The following GNG4 variants were observed in gnomAD, a reference collection of about 807,000 sequenced individuals.
The protein encoded by GNG4 is G protein subunit gamma 4.
A neutral mutation model predicts 5.8 loss-of-function variants in GNG4; 4 were observed. The ratio of observed to expected loss-of-function variants is 0.69; its 90% CI spans 0.34 to 1.57. The LOEUF (loss-of-function observed/expected upper bound fraction) is 1.57. Ranked by LOEUF, GNG4 falls within the 40% of genes most tolerant of loss-of-function variation. The probability of loss-of-function intolerance (pLI) is 0.06; values close to 1 mark genes in which losing one functional copy is unlikely to be tolerated. For missense variants in GNG4, 96 were observed against 95.1 expected, an observed-to-expected ratio of 1.01 and a Z score of -0.04; for synonymous variants, 29 against 32.9, an observed-to-expected ratio of 0.88 and a Z score of 0.41.
intron 3 of GNG4, 34 bp from the exon 4 acceptor site, chr1:235,552,271 AG>A (rs765375421): frequency 5.6e-6 from 9 of 1,608,700 alleles, no homozygotes; most frequent in South Asian, 1.1e-5. Flanking sequence ...GCTCAGTTAA[AG>A]GCCCCTTTGC....
chr1:235,592,465 C>T (rs549419587), intron 2 of GNG4, among the ~76,000 whole-genome samples: 2 of 152,272 alleles, frequency 1.3e-5, no homozygotes, highest in African/African-American at 4.8e-5. Flanking sequence ...GCCAAGATCA[C>T]ACCACTGCAC....
At chr1:235,588,012 G>T (rs1247091214) in intron 2 of GNG4, among the ~76,000 whole-genome samples, 1 of 151,768 alleles carries the variant, frequency 6.6e-6, no homozygotes, top group Admixed American at 6.6e-5. Flanking sequence ...CAGCAGAGCC[G>T]ACTCTCAGTC....
At chr1:235,620,567 G>A (rs913224019) in intron 1 of GNG4, among the ~76,000 whole-genome samples, 1 of 151,990 alleles carries the variant, frequency 6.6e-6, no homozygotes, top group African/African-American at 2.4e-5. Flanking sequence ...ACGGAGTCTC[G>A]CTCTATTGCC....
intron 1 of GNG4, among the ~76,000 whole-genome samples, chr1:235,612,753 G>A (rs1328880049): frequency 6.6e-6 from 1 of 152,104 alleles, no homozygotes; most frequent in Non-Finnish European, 1.5e-5. Context: ...GAACACCTGG[G>A]CTCAAGTGAT....
At chr1:235,608,786 T>C (rs1571911311) in intron 1 of GNG4, among the ~76,000 whole-genome samples, 1 of 151,904 alleles carries the variant, frequency 6.6e-6, no homozygotes, top group East Asian at 1.9e-4. Flanking sequence ...CGAGTTGAAG[T>C]AATCCTCCTG....
chr1:235,593,947 G>A (rs568364022), intron 2 of GNG4, among the ~76,000 whole-genome samples: 5 of 152,240 alleles, frequency 3.3e-5, no homozygotes, highest in African/African-American at 4.8e-5. Flanking sequence ...TACCCCAGCT[G>A]GCGCGGGCAG....
At chr1:235,631,571 CTTTCTT>C (rs1442311486) in intron 1 of GNG4, among the ~76,000 whole-genome samples, 1 of 115,838 alleles carries the variant, frequency 8.6e-6, no homozygotes, top group African/African-American at 4.5e-5. Flanking sequence ...TCTTTTCTTT[CTTTCTT>C]TTTTTTTTTT....
chr1:235,630,366 T>C (rs1688907221), intron 1 of GNG4, among the ~76,000 whole-genome samples: 1 of 152,220 alleles, frequency 6.6e-6, no homozygotes, highest in Non-Finnish European at 1.5e-5. Flanking sequence ...TACTTGAATG[T>C]TTGCTGCTGA....
intron 1 of GNG4, chr1:235,614,975 CA>C (rs1030042361): frequency 6.5e-6 from 1 of 152,800 alleles, no homozygotes; most frequent in African/African-American, 2.4e-5. Flanking sequence ...TTGCTGCCCA[CA>C]ATTTCAGTGG....
intron 3 of GNG4, among the ~76,000 whole-genome samples, chr1:235,572,563 A>G (rs1363422913): frequency 7.0e-6 from 1 of 142,964 alleles, no homozygotes; most frequent in African/African-American, 2.7e-5. Context: ...GTGAGGTGGT[A>G]TGTTCTCAGC....
At chr1:235,582,309 A>G (rs1455595879) in intron 3 of GNG4, among the ~76,000 whole-genome samples, 1 of 152,086 alleles carries the variant, frequency 6.6e-6, no homozygotes, top group Middle Eastern at 3.2e-3. Flanking sequence ...CTCCTCCCAT[A>G]GCTCTCTTCC....
chr1:235,551,249 A>G lies in GNG4; in HGVS notation c.*860T>C, dbSNP rs1686737239. ...CACGGCCCCAGGAGGATATGCTAAG[A>G]AAACCATTCCACGGCCGGGTGTGGT... On this transcript the variant is annotated 3_prime_UTR_variant, in exon 4 of 4. Coordinates refer to ENST00000391854, the MANE Select transcript of GNG4 (RefSeq NM_001098722.2). The G allele has an allele frequency of 6.6e-6, 1 of 152,440 alleles. No homozygotes were observed. The highest frequency in any genetic ancestry group is 6.5e-5 in the Admixed American group (1 of 15,284). 9.4% of individuals were successfully genotyped at this position (152,440 alleles called of 1,614,324 possible).
At chr1:235,564,778 C>T (rs927363665) in intron 3 of GNG4, among the ~76,000 whole-genome samples, 4 of 152,124 alleles carry the variant, frequency 2.6e-5, no homozygotes, top group East Asian at 1.9e-4. Context: ...CTCTGCCTCC[C>T]GGGTTCAAGC....
rs566245320 is a variant in GNG4, at chr1:235,562,227, C to T, written c.100-9990G>A. 2.4e-4 allele frequency among the ~76,000 whole-genome samples: 36 copies of T among 152,304 alleles called. No individual in the cohort carries two copies. In the South Asian group the frequency reaches 7.5e-3, roughly 32 times the overall value. On this transcript the variant is annotated intron_variant, in intron 3 of 3. Transcript: ENST00000391854. The stretch of plus-strand genomic sequence containing the variant: ...TACTGTAGTTTTATAGTAAGTCTTT[C>T]AGTCAGGTAGTGTCGGTTCTCCAAC...
chr1:235,630,487 G>A (rs1240691847), intron 1 of GNG4, among the ~76,000 whole-genome samples: 1 of 152,206 alleles, frequency 6.6e-6, no homozygotes, highest in East Asian at 1.9e-4. Flanking sequence ...GCAACAGCCG[G>A]GTGTTTTGTT....
Position 235,584,147 on chromosome 1 carries a change from C to T in GNG4, c.-10-299G>A, listed in dbSNP as rs796249099. Among the ~76,000 whole-genome samples, 8 of 152,304 alleles carry T rather than the reference C, an allele frequency of 5.3e-5. 1 individual carries two copies. The highest frequency in any genetic ancestry group is 7.2e-5 in the African/African-American group (3 of 41,554). ...ACCACTGCCACCACCATCACCACCA[C>T]GACCATAAGTAATGCTTGGACATTC... On this transcript the variant is annotated intron_variant, in intron 2 of 3. Coordinates refer to ENST00000391854, the MANE Select transcript of GNG4 (RefSeq NM_001098722.2).
At chr1:235,581,550 C>T (rs938314791) in intron 3 of GNG4, among the ~76,000 whole-genome samples, 1 of 151,922 alleles carries the variant, frequency 6.6e-6, no homozygotes, top group Non-Finnish European at 1.5e-5. Flanking sequence ...TATCGCCTCC[C>T]CCTTCTCTCT....
chr1:235,578,433 C>T (rs565771983), intron 3 of GNG4, among the ~76,000 whole-genome samples: 2 of 152,214 alleles, frequency 1.3e-5, no homozygotes, highest in African/African-American at 2.4e-5. Context: ...GTATATAACC[C>T]GAGGAGACGA....
chr1:235,592,504 T>C (rs1272835884), intron 2 of GNG4, among the ~76,000 whole-genome samples: 1 of 152,006 alleles, frequency 6.6e-6, no homozygotes, highest in South Asian at 2.1e-4. Flanking sequence ...ATGAGACTCT[T>C]ATCTCTAAAT....
Sources: allele counts gnomAD v4.1 joint callset (sites outside exome capture counted in the v4.1 genomes callset), GRCh38; gene constraint gnomAD v4.1.1; transcripts MANE v1.5; gene names NCBI Gene and HGNC (gene_info 2026-07-23, HGNC 2026-07-21).